CDA: variants seen among roughly 807,000 people sequenced by gnomAD.
The protein encoded by CDA is cytidine deaminase.
CDA carries 7 observed loss-of-function variants against 15.0 expected under a neutral mutation model. The observed-to-expected ratio is 0.47, with a 90% confidence interval of 0.26 to 0.87. The LOEUF (loss-of-function observed/expected upper bound fraction) is 0.87. Among genes scored for constraint, CDA ranks in the 40% least tolerant of loss-of-function variants. The pLI is 0.15. For missense variants in CDA, 159 were observed against 182.7 expected (o/e 0.87, Z 0.75); for synonymous variants, 58 against 73.0 (o/e 0.79, Z 1.05).
At chr1:20,617,939 G>T (rs186315130) in intron 3 of CDA, among the ~76,000 whole-genome samples, 21 of 152,084 alleles carry the variant, frequency 1.4e-4, no homozygotes, top group African/African-American at 3.6e-4. Context: ...CAGGAGATCC[G>T]CCTGCCTCGG....
intron 1 of CDA, among the ~76,000 whole-genome samples, chr1:20,598,776 G>A (rs1433171557): frequency 6.6e-6 from 1 of 152,164 alleles, no homozygotes; most frequent in Non-Finnish European, 1.5e-5. Context: ...CCTCCTAATA[G>A]TATAGCGTTG....
rs1314197964 is a variant in CDA, at chr1:20,606,133, G to A, written c.266+1094G>A. Reference sequence around the variant, plus strand: ...CTCAAGGAGAAGGGCTCCAGTATCCGATAGCCTTCCCTGTCACCGAGGTGT... The same window carrying A: ...CTCAAGGAGAAGGGCTCCAGTATCCAATAGCCTTCCCTGTCACCGAGGTGT... On this transcript the variant is annotated intron_variant, in intron 2 of 3. Coordinates refer to ENST00000375071, the MANE Select transcript of CDA (RefSeq NM_001785.3). 1.7e-4 allele frequency among the ~76,000 whole-genome samples: 21 copies of A among 124,224 alleles called. 5 individuals are homozygous for A. Among genetic ancestry groups the A allele is most frequent in the Admixed American group, 1.1e-3 (14 of 12,734 alleles). 81.5% of individuals were successfully genotyped at this position (124,224 alleles called of 152,430 possible).
intron 3 of CDA, among the ~76,000 whole-genome samples, chr1:20,616,738 T>C (rs376245469): frequency 2.6e-5 from 4 of 152,122 alleles, no homozygotes; most frequent in East Asian, 3.9e-4. Flanking sequence ...AGATGAGGCG[T>C]TGGGGCCAGG....
intron 1 of CDA, among the ~76,000 whole-genome samples, chr1:20,592,345 C>A (rs1184828128): frequency 6.6e-6 from 1 of 152,124 alleles, no homozygotes; most frequent in Non-Finnish European, 1.5e-5. Flanking sequence ...AAGCATTCAG[C>A]GCATTTTCTG....
chr1:20,608,205 C>T (rs1570383561), intron 2 of CDA, among the ~76,000 whole-genome samples: 1 of 152,110 alleles, frequency 6.6e-6, no homozygotes, highest in Non-Finnish European at 1.5e-5. Flanking sequence ...AGTTAGAAGC[C>T]CAGGCTTCAG....
rs2154532351 is a variant in CDA at position 20,604,907 on chromosome 1, TG to T, written c.155-19del. The T allele has an allele frequency of 1.3e-6, 2 of 1,516,930 alleles. No homozygotes were observed. The highest frequency in any genetic ancestry group is 1.8e-6 in the Non-Finnish European group (2 of 1,095,386). 94.0% of individuals were successfully genotyped at this position (1,516,930 alleles called of 1,614,324 possible). A position where few individuals can be genotyped will look rare whatever the true frequency, so the allele number is the denominator to read the frequency against. ...GAAGTGTCTCTGCCAGACATACCAC[TG>T]GACTCTGCTCTCTTCTCAGGGTGCA... On this transcript the variant is annotated intron_variant, in intron 1 of 3. Coordinates refer to ENST00000375071, the MANE Select transcript of CDA (RefSeq NM_001785.3).
At chr1:20,605,087 C>A (rs2154532453) in intron 2 of CDA, 48 bp downstream of exon 2, 2 of 1,057,322 alleles carry the variant, frequency 1.9e-6, no homozygotes, top group Non-Finnish European at 2.9e-6. Context: ...TCTCTTTAGC[C>A]AACATCTTCC....
chr1:20,597,741 T>C (rs1262305164), intron 1 of CDA, among the ~76,000 whole-genome samples: 1 of 152,198 alleles, frequency 6.6e-6, no homozygotes, highest in Non-Finnish European at 1.5e-5. Flanking sequence ...CTCATGTATG[T>C]TTTGAAGTAA....
intron 1 of CDA, among the ~76,000 whole-genome samples, chr1:20,594,258 T>C (rs1244111692): frequency 3.3e-5 from 5 of 152,220 alleles, no homozygotes; most frequent in African/African-American, 9.6e-5. Flanking sequence ...CTCCCAACCC[T>C]GGCCAGGGCC....
chr1:20,610,304 A>ATTTAT, intron 2 of CDA, among the ~76,000 whole-genome samples: 1 of 124,746 alleles, frequency 8.0e-6, no homozygotes, highest in South Asian at 2.5e-4. Flanking sequence ...TTATTTATTT[A>ATTTAT]TTTTTATTTT....
At chr1:20,607,790 G>A (rs527912) in intron 2 of CDA, among the ~76,000 whole-genome samples, 50,903 of 152,098 alleles carry the variant, frequency 0.33, 8,699 homozygotes, top group Middle Eastern at 0.44. Context: ...TAAATTGAGA[G>A]CGTTTGTGGA....
At chr1:20,615,262 G>A (rs2052791156) in intron 3 of CDA, among the ~76,000 whole-genome samples, 1 of 152,042 alleles carries the variant, frequency 6.6e-6, no homozygotes, top group Admixed American at 6.6e-5. Flanking sequence ...TAAGCCATTG[G>A]ATATTTTCAA....
chr1:20,592,572 C>T (rs1256911759), intron 1 of CDA, among the ~76,000 whole-genome samples: 2 of 152,156 alleles, frequency 1.3e-5, no homozygotes, highest in Non-Finnish European at 2.9e-5. Context: ...GACAGGTGCT[C>T]AGCAAGGGCG....
chr1:20,590,385 T>C, intron 1 of CDA, among the ~76,000 whole-genome samples: 1 of 152,190 alleles, frequency 6.6e-6, no homozygotes, highest in East Asian at 1.9e-4. Flanking sequence ...CTGAGTACCG[T>C]GTTGAAATTC....
chr1:20,595,020 G>A lies in CDA; in HGVS notation c.154+5737G>A, dbSNP rs146834343. On this transcript the variant is annotated intron_variant, in intron 1 of 3. Coordinates refer to ENST00000375071, the MANE Select transcript of CDA (RefSeq NM_001785.3). ...TGCATCTGGCGATGAGACCACGACA[G>A]TGCCAGAAAGGGTCCCAGGATGGTG... Among the ~76,000 whole-genome samples the A allele has an allele frequency of 7.7e-4, 117 of 152,222 alleles. 2 individuals carry two copies. The highest frequency in any genetic ancestry group is 9.1e-4 in the Non-Finnish European group (62 of 68,018).
At chr1:20,608,391 A>ATTGTTTTGTT (rs1249559194) in intron 2 of CDA, among the ~76,000 whole-genome samples, 5 of 47,572 alleles carry the variant, frequency 1.1e-4, no homozygotes, top group Admixed American at 2.5e-4. Flanking sequence ...AAACTATTAT[A>ATTGTTTTGTT]TAGTTTTGTT....
chr1:20,615,829 G>A (rs1008080056), intron 3 of CDA, among the ~76,000 whole-genome samples: 2 of 151,998 alleles, frequency 1.3e-5, no homozygotes, highest in African/African-American at 4.8e-5. Context: ...AGTAAAACCC[G>A]GTCCCTTCAA....
At chr1:20,609,825 C>T (rs1355450094) in intron 2 of CDA, among the ~76,000 whole-genome samples, 2 of 152,294 alleles carry the variant, frequency 1.3e-5, no homozygotes, top group African/African-American at 2.4e-5. Context: ...AGAGTTCACT[C>T]GGCATCCTGG....
intron 2 of CDA, among the ~76,000 whole-genome samples, chr1:20,608,591 G>C (rs1311838310): frequency 2.0e-5 from 3 of 152,118 alleles, no homozygotes; most frequent in Admixed American, 6.6e-5. Context: ...TGAATTTTTA[G>C]TAGAGACAGG....
Sources: gnomAD v4.1 joint callset for allele counts (sites outside exome capture counted in the v4.1 genomes callset) on GRCh38, gnomAD v4.1.1 for gene constraint, MANE v1.5 for transcripts, NCBI Gene and HGNC (gene_info 2026-07-23, HGNC 2026-07-21) for gene names.